Variants in ADAM10 observed in about 807,000 individuals in gnomAD.
The protein encoded by ADAM10 is disintegrin and metalloproteinase domain-containing protein 10.
In ADAM10, 17 loss-of-function variants were observed where a neutral mutation model predicts 90.1. The ratio of observed to expected loss-of-function variants is 0.19; its 90% CI spans 0.13 to 0.28. The LOEUF is 0.28. Among genes scored for constraint, ADAM10 ranks in the 10% least tolerant of loss-of-function variants. The pLI is 1.00. For missense variants in ADAM10, 610 were observed against 914.3 expected (o/e 0.67, Z 4.29); for synonymous variants, 310 against 298.6 (o/e 1.04, Z -0.40).
At chr15:58,717,528 GATTGAAT>G (rs1898702380) in intron 2 of ADAM10, 42 bp downstream of exon 2, 1 of 1,606,654 alleles carries the variant, frequency 6.2e-7, no homozygotes, top group Non-Finnish European at 8.5e-7. Flanking sequence ...CTTTAACTTA[GATTGAAT>G]ATAGAGGAAC....
chr15:58,605,954 A>T (rs769461984), intron 14 of ADAM10, among the ~76,000 whole-genome samples: 58 of 152,212 alleles, frequency 3.8e-4, no homozygotes, highest in Non-Finnish European at 6.5e-4. Flanking sequence ...AGCAAGTATC[A>T]TCTAAAAAAA....
intron 5 of ADAM10, chr15:58,655,402 A>T (rs1415926875): frequency 1.9e-5 from 3 of 153,862 alleles, no homozygotes. Flanking sequence ...TGGAAGCAGG[A>T]GCAAGCAAGA....
At chr15:58,639,720 T>A (rs1322257199) in intron 8 of ADAM10, among the ~76,000 whole-genome samples, 2 of 151,948 alleles carry the variant, frequency 1.3e-5, no homozygotes, top group Non-Finnish European at 2.9e-5. Flanking sequence ...AAAGAAGCTA[T>A]GGAAATTGTA....
intron 2 of ADAM10, among the ~76,000 whole-genome samples, chr15:58,705,522 A>C (rs1435789671): frequency 6.6e-6 from 1 of 152,204 alleles, no homozygotes; most frequent in East Asian, 1.9e-4. Context: ...CTGAATATGC[A>C]GTTTTACCAC....
intron 2 of ADAM10, among the ~76,000 whole-genome samples, chr15:58,696,361 G>A (rs1159496605): frequency 6.6e-6 from 1 of 151,840 alleles, no homozygotes; most frequent in East Asian, 1.9e-4. Context: ...CTATTAAGGT[G>A]TCTAAGTACA....
chr15:58,741,577 G>C (rs907712792), intron 1 of ADAM10, among the ~76,000 whole-genome samples: 64 of 152,226 alleles, frequency 4.2e-4, no homozygotes, highest in African/African-American at 1.5e-3. Context: ...CAACTTCAAC[G>C]ACTGAGGTCT....
At chr15:58,696,026 G>C (rs1897968953) in intron 2 of ADAM10, among the ~76,000 whole-genome samples, 1 of 152,160 alleles carries the variant, frequency 6.6e-6, no homozygotes, top group African/African-American at 2.4e-5. Context: ...TGCGGCAGGA[G>C]AATCGCTTGA....
chr15:58,647,958 T>A (rs568273029), intron 5 of ADAM10, among the ~76,000 whole-genome samples: 3 of 152,328 alleles, frequency 2.0e-5, no homozygotes, highest in African/African-American at 2.4e-5. Context: ...CACAGTAATA[T>A]AGAACCCAAA....
chr15:58,627,224 G>A (rs1209975042), intron 10 of ADAM10, among the ~76,000 whole-genome samples: 2 of 152,158 alleles, frequency 1.3e-5, no homozygotes, highest in African/African-American at 4.8e-5. Flanking sequence ...AGCCAATGTA[G>A]AGTGAAATAA....
Position 58,597,495 on chromosome 15 carries a change from A to G in ADAM10, c.*52T>C. The G allele has an allele frequency of 6.2e-7, 1 of 1,613,656 alleles. No individual in the cohort carries two copies. Among genetic ancestry groups the G allele is most frequent in the Non-Finnish European group, 8.5e-7 (1 of 1,179,852 alleles). ...GATGACTTAATAGGTTTCTCTTTGG[A>G]GTGAAGTTTTCCCATTGTAGGCACT... is the stretch of plus-strand genomic sequence containing the variant. On this transcript the variant is annotated 3_prime_UTR_variant, in exon 16 of 16. Transcript: ENST00000260408.
intron 10 of ADAM10, among the ~76,000 whole-genome samples, chr15:58,623,277 C>T (rs1376943763): frequency 6.6e-6 from 1 of 152,148 alleles, no homozygotes; most frequent in Non-Finnish European, 1.5e-5. Context: ...GGATCTGGGA[C>T]AAAGCCACTT....
At chr15:58,740,226 A>G (rs544153642) in intron 1 of ADAM10, among the ~76,000 whole-genome samples, 1 of 152,290 alleles carries the variant, frequency 6.6e-6, no homozygotes, top group South Asian at 2.1e-4. Context: ...CCTGGCCAAC[A>G]TGGTGAAACC....
In ADAM10 at chr15:58,742,818, C is replaced by T. The variant is rs181633553; in HGVS notation, c.55+6662G>A. On this transcript the variant is annotated intron_variant, in intron 1 of 15. Coordinates refer to ENST00000260408, the MANE Select transcript of ADAM10 (RefSeq NM_001110.4). ...TTAGGGTTGCTTGGAAGAGCATTAA[C>T]GATCATTAATTAAATCAATTACTCC... Among the ~76,000 whole-genome samples, 211 of 152,252 alleles carry T rather than the reference C, an allele frequency of 1.4e-3. 1 individual carries two copies. Among genetic ancestry groups the T allele is most frequent in the African/African-American group, 4.7e-3 (194 of 41,548 alleles).
chr15:58,683,271 T>G (rs555085868), intron 2 of ADAM10, among the ~76,000 whole-genome samples: 32 of 152,276 alleles, frequency 2.1e-4, no homozygotes, highest in African/African-American at 7.7e-4. Flanking sequence ...AACAAAGTAT[T>G]ACGTCTTTTT....
chr15:58,696,734 G>A (rs1221485921), intron 2 of ADAM10, among the ~76,000 whole-genome samples: 6 of 152,064 alleles, frequency 3.9e-5, no homozygotes, highest in Non-Finnish European at 8.8e-5. Flanking sequence ...GAAAGTGCTG[G>A]GATTACATGT....
At chr15:58,713,442 G>A (rs1296229022) in intron 2 of ADAM10, among the ~76,000 whole-genome samples, 1 of 152,026 alleles carries the variant, frequency 6.6e-6, no homozygotes, top group Admixed American at 6.6e-5. Flanking sequence ...GACCATCATC[G>A]ACATCAAAAA....
chr15:58,692,082 G>A (rs779695660), intron 2 of ADAM10: 26 of 477,998 alleles, frequency 5.4e-5, no homozygotes, highest in South Asian at 6.1e-5. Context: ...ACCATACCAC[G>A]GACAAAGCCG....
chr15:58,689,086 C>T (rs1480967892), intron 2 of ADAM10, among the ~76,000 whole-genome samples: 1 of 152,016 alleles, frequency 6.6e-6, no homozygotes, highest in African/African-American at 2.4e-5. Context: ...GAAAAACCCA[C>T]AAAACACACC....
At chr15:58,677,426 T>C (rs1365052965) in intron 4 of ADAM10, among the ~76,000 whole-genome samples, 1 of 152,086 alleles carries the variant, frequency 6.6e-6, no homozygotes, top group Non-Finnish European at 1.5e-5. Flanking sequence ...TAACTCATCA[T>C]CTTTGGGGAA....
Sources: allele counts gnomAD v4.1 joint callset (sites outside exome capture counted in the v4.1 genomes callset), GRCh38; gene constraint gnomAD v4.1.1; transcripts MANE v1.5; gene names NCBI Gene and HGNC (gene_info 2026-07-23, HGNC 2026-07-21).